The following OSBPL8 variants were observed in gnomAD, a reference collection of about 807,000 sequenced individuals.
OSBPL8 encodes the protein oxysterol-binding protein-related protein 8.
Under a neutral mutation model 125.5 loss-of-function variants are expected in OSBPL8, and 59 were observed. That is an observed-to-expected ratio of 0.47 (90% CI 0.38 to 0.58). The LOEUF (loss-of-function observed/expected upper bound fraction) is 0.58. Among genes scored for constraint, OSBPL8 ranks in the 20% least tolerant of loss-of-function variants. OSBPL8 has a pLI of 0.00. For synonymous variants in OSBPL8, 330 were observed against 338.9 expected (o/e 0.97, Z 0.29); for missense variants, 758 against 1,047.8 (o/e 0.72, Z 3.82).
chr12:76,406,771 A>C (rs1260867981), intron 5 of OSBPL8, among the ~76,000 whole-genome samples: 1 of 151,986 alleles, frequency 6.6e-6, no homozygotes, highest in African/African-American at 2.4e-5. Context: ...ACATGCCACC[A>C]CGTGTGGCTA....
intron 1 of OSBPL8, among the ~76,000 whole-genome samples, chr12:76,535,804 G>A (rs993761610): frequency 1.3e-5 from 2 of 152,144 alleles, no homozygotes; most frequent in East Asian, 3.8e-4. Flanking sequence ...CCGTTCATAT[G>A]AAATCTTAGA....
At chr12:76,515,054 A>G (rs1881396646) in intron 1 of OSBPL8, among the ~76,000 whole-genome samples, 2 of 151,960 alleles carry the variant, frequency 1.3e-5, no homozygotes. Context: ...GTATTGTTTT[A>G]TTGTGATTCT....
chr12:76,391,674 G>A (rs1292665249), intron 10 of OSBPL8, among the ~76,000 whole-genome samples: 1 of 152,154 alleles, frequency 6.6e-6, no homozygotes, highest in African/African-American at 2.4e-5. Context: ...GAGACTGGAA[G>A]ATGGCTTGAG....
At chr12:76,420,908 T>C (rs961781070) in intron 4 of OSBPL8, among the ~76,000 whole-genome samples, 2 of 152,062 alleles carry the variant, frequency 1.3e-5, no homozygotes, top group Non-Finnish European at 2.9e-5. Flanking sequence ...CCTATGAATA[T>C]GATTTTCTCT....
chr12:76,510,246 C>T (rs1880836144), intron 1 of OSBPL8, among the ~76,000 whole-genome samples: 1 of 152,076 alleles, frequency 6.6e-6, no homozygotes, highest in African/African-American at 2.4e-5. Flanking sequence ...TATGTATATA[C>T]CAATCATCCA....
chr12:76,356,470 CGTAA>C (rs1337877017), intron 23 of OSBPL8, among the ~76,000 whole-genome samples, 152 bp downstream of exon 23: 1 of 151,900 alleles, frequency 6.6e-6, no homozygotes, highest in Non-Finnish European at 1.5e-5. Flanking sequence ...GGAGGAATTT[CGTAA>C]GTGTCAAACA....
chr12:76,530,811 A>T (rs1228128945), intron 1 of OSBPL8, among the ~76,000 whole-genome samples: 1 of 152,200 alleles, frequency 6.6e-6, no homozygotes, highest in African/African-American at 2.4e-5. Context: ...AGTATAATAA[A>T]GCAATAAAGG....
chr12:76,449,155 A>G (rs1358658351), intron 4 of OSBPL8, among the ~76,000 whole-genome samples: 3 of 152,246 alleles, frequency 2.0e-5, no homozygotes, highest in Non-Finnish European at 4.4e-5. Flanking sequence ...AAAGTATGAC[A>G]GAACTCTAAA....
intron 17 of OSBPL8, among the ~76,000 whole-genome samples, chr12:76,374,640 G>A (rs1178304637): frequency 2.0e-5 from 3 of 152,086 alleles, no homozygotes; most frequent in African/African-American, 7.2e-5. Context: ...CTAGTCCTTC[G>A]GTCACCCTAG....
intron 2 of OSBPL8, among the ~76,000 whole-genome samples, chr12:76,463,612 A>G (rs1875010147): frequency 6.6e-6 from 1 of 152,186 alleles, no homozygotes; most frequent in Admixed American, 6.5e-5. Context: ...GCCCTAGAAA[A>G]ACATATATTA....
chr12:76,493,372 G>C (rs546015699), intron 1 of OSBPL8, among the ~76,000 whole-genome samples: 16 of 152,234 alleles, frequency 1.1e-4, no homozygotes, highest in Non-Finnish European at 1.9e-4. Context: ...TTTCATTTCA[G>C]TTTGAAGAAT....
chr12:76,449,789 G>A (rs1473737110), intron 4 of OSBPL8, among the ~76,000 whole-genome samples: 1 of 152,118 alleles, frequency 6.6e-6, no homozygotes, highest in East Asian at 1.9e-4. Flanking sequence ...AATGCATGAT[G>A]TTACAAAATC....
At chr12:76,426,870 T>C (rs1870211872) in intron 4 of OSBPL8, among the ~76,000 whole-genome samples, 1 of 152,094 alleles carries the variant, frequency 6.6e-6, no homozygotes, top group Non-Finnish European at 1.5e-5. Context: ...CTAAATACCA[T>C]AATAGCAGGA....
intron 4 of OSBPL8, among the ~76,000 whole-genome samples, chr12:76,428,973 C>G (rs1288644829): frequency 6.6e-6 from 1 of 152,090 alleles, no homozygotes; most frequent in African/African-American, 2.4e-5. Flanking sequence ...AATTTCTATC[C>G]TCTAATAGAG....
chr12:76,546,393 C>T (rs1445199039), intron 1 of OSBPL8, among the ~76,000 whole-genome samples: 1 of 151,970 alleles, frequency 6.6e-6, no homozygotes, highest in Non-Finnish European at 1.5e-5. Context: ...TAAATTCCTA[C>T]AACCTAATCA....
At chr12:76,409,656 C>T (rs149977590) in intron 5 of OSBPL8, among the ~76,000 whole-genome samples, 61 of 152,248 alleles carry the variant, frequency 4.0e-4, no homozygotes, top group African/African-American at 1.4e-3. Flanking sequence ...TACTTTTAAA[C>T]TTCTAGCCTA....
intron 4 of OSBPL8, among the ~76,000 whole-genome samples, chr12:76,423,806 C>T (rs1869807283): frequency 6.6e-6 from 1 of 152,112 alleles, no homozygotes; most frequent in Non-Finnish European, 1.5e-5. Context: ...ACCCACTCAG[C>T]TGGACAATAA....
intron 2 of OSBPL8, among the ~76,000 whole-genome samples, chr12:76,464,838 C>G (rs1875204713): frequency 6.6e-6 from 1 of 152,148 alleles, no homozygotes. Flanking sequence ...TAAAGTTGAT[C>G]AAGTTGCTAC....
At chr12:76,356,477 G>C (rs1458995402) in intron 23 of OSBPL8, 149 bp downstream of exon 23, 5 of 529,982 alleles carry the variant, frequency 9.4e-6, no homozygotes, top group Non-Finnish European at 1.6e-5. Context: ...TTTCGTAAGT[G>C]TCAAACATCA....
Sources: allele counts gnomAD v4.1 joint callset (sites outside exome capture counted in the v4.1 genomes callset), GRCh38; gene constraint gnomAD v4.1.1; transcripts MANE v1.5; gene names NCBI Gene and HGNC (gene_info 2026-07-23, HGNC 2026-07-21).